Variants in MSN observed in about 807,000 individuals in gnomAD.
MSN encodes epididymis luminal protein 70.
A neutral mutation model predicts 48.0 loss-of-function variants in MSN; 2 were observed. The observed-to-expected ratio is 0.04, with a 90% CI of 0.02 to 0.13. MSN has a LOEUF of 0.13. Among genes scored for constraint, MSN ranks in the 10% least tolerant of loss-of-function variants. The pLI, the probability that MSN is intolerant of heterozygous loss-of-function variation, is 1.00. For synonymous variants in MSN, 146 were observed against 166.9 expected (o/e 0.87, Z 0.97); for missense variants, 267 against 470.1 (o/e 0.57, Z 3.99).
intron 1 of MSN, among the ~76,000 whole-genome samples, chrX:65,644,245 C>A (rs1442918304): frequency 9.0e-6 from 1 of 111,691 alleles, no homozygotes; most frequent in Non-Finnish European, 1.9e-5. Flanking sequence ...GGCTGGCTTT[C>A]ATATATTCTT....
intron 1 of MSN, among the ~76,000 whole-genome samples, chrX:65,675,824 G>C (rs1184092724): frequency 9.0e-6 from 1 of 111,078 alleles, no homozygotes; most frequent in Non-Finnish European, 1.9e-5. Context: ...TTTTAGTAGA[G>C]ATGGGGTTTC....
chrX:65,649,527 G>A (rs1383952289), intron 1 of MSN, among the ~76,000 whole-genome samples: 1 of 101,297 alleles, frequency 9.9e-6, no homozygotes, highest in East Asian at 3.0e-4. Flanking sequence ...AGTGAGCCGA[G>A]ATCATGCCAC....
intron 1 of MSN, among the ~76,000 whole-genome samples, chrX:65,610,770 T>C (rs746947684): frequency 2.4e-4 from 27 of 112,506 alleles, no homozygotes; most frequent in Non-Finnish European, 3.9e-4. Flanking sequence ...ACATTTACTT[T>C]CTATTCTTTT....
rs780850640 is a variant in MSN at position 65,737,251 on chromosome X, G to A, written c.1164G>A (p.Lys388=). The change falls in exon 10 of 13, where the codon AAG becomes AAA. Residue 388 remains lysine, a synonymous_variant. Transcript: ENST00000360270. ...AGCGTGCCCAGAGCGAGGCTGAAAA[G>A]CTGGCCAAGGAGCGTCAAGAAGCTG... ...ERKRAQSEAE[K]LAKERQEAEE... 2 of 1,210,882 alleles carry A rather than the reference G, an allele frequency of 1.7e-6. No homozygotes were observed. Among genetic ancestry groups the A allele is most frequent in the East Asian group, 5.9e-5 (2 of 33,817 alleles).
rs1199600386 is a variant in MSN, at chrX:65,698,054, G to A, written c.13-18764G>A. 8.9e-5 allele frequency among the ~76,000 whole-genome samples: 10 copies of A among 111,971 alleles called. No individual in the cohort carries two copies. In the East Asian group the frequency reaches 1.1e-3, roughly 13 times the overall value. On this transcript the variant is annotated intron_variant, in intron 1 of 12. Transcript: ENST00000360270. ...ACATTATCTTTCCTTAGGCAGCCGC[G>A]TGTTCTCTGAGAACAGGATGTGGGG...
At chrX:65,732,490 G>T (rs932132923) in intron 6 of MSN, among the ~76,000 whole-genome samples, 4 of 111,497 alleles carry the variant, frequency 3.6e-5, no homozygotes, top group Non-Finnish European at 5.7e-5. Context: ...GATCGTGCAG[G>T]CCTAGACTAT....
At chrX:65,678,943 G>A (rs1226749283) in intron 1 of MSN, among the ~76,000 whole-genome samples, 1 of 112,094 alleles carries the variant, frequency 8.9e-6, no homozygotes, top group Admixed American at 9.5e-5. Context: ...GCAGAGCAGA[G>A]TGGTGACTTT....
At chrX:65,669,066 G>A (rs994892625) in intron 1 of MSN, among the ~76,000 whole-genome samples, 10 of 111,778 alleles carry the variant, frequency 8.9e-5, no homozygotes, top group Admixed American at 6.7e-4. Flanking sequence ...CTGCCAAGTC[G>A]TTCTTGCCTT....
At chrX:65,631,394 C>T (rs1176202723) in intron 1 of MSN, among the ~76,000 whole-genome samples, 1 of 109,671 alleles carries the variant, frequency 9.1e-6, no homozygotes, top group Non-Finnish European at 1.9e-5. Flanking sequence ...GTGCCCAGCC[C>T]CCTACATCCT....
Position 65,732,021 on chromosome X carries a change from G to A in MSN, c.698+37G>A, listed in dbSNP as rs771174942. ...ATCTCTTTTAGTTTATTTAGGTCAC[G>A]TTAACATCTAGGGCTCACTTTTCAC... On this transcript the variant is annotated intron_variant, in intron 6 of 12. Transcript: ENST00000360270. The A allele has an allele frequency of 1.0e-5, 12 of 1,180,593 alleles. No homozygotes were observed. In the South Asian group the frequency reaches 1.7e-4, roughly 17 times the overall value.
chrX:65,667,906 T>C (rs977252373), intron 1 of MSN, 53 bp downstream of exon 1: 20 of 1,164,479 alleles, frequency 1.7e-5, no homozygotes, highest in Non-Finnish European at 2.2e-5. Context: ...CTGAGCCTCA[T>C]AGCCCTTTGC....
chrX:65,679,570 A>C (rs1357077778), intron 1 of MSN, among the ~76,000 whole-genome samples: 2 of 112,223 alleles, frequency 1.8e-5, no homozygotes, highest in African/African-American at 6.5e-5. Flanking sequence ...CCTGGAGATC[A>C]AAGGAGAGGG....
At chrX:65,680,265 AATT>A (rs1240917437) in intron 1 of MSN, among the ~76,000 whole-genome samples, 2 of 112,060 alleles carry the variant, frequency 1.8e-5, no homozygotes, top group African/African-American at 6.5e-5. Flanking sequence ...ACATGGCAAT[AATT>A]ATTTGTATTT....
In MSN at chrX:65,702,967, A is replaced by G. The variant is rs138920968; in HGVS notation, c.13-13851A>G. Among the ~76,000 whole-genome samples the G allele has an allele frequency of 2.2e-3, 246 of 112,229 alleles. 1 individual carries two copies. Among genetic ancestry groups the G allele is most frequent in the African/African-American group, 7.4e-3 (229 of 30,897 alleles). On this transcript the variant is annotated intron_variant, in intron 1 of 12. Transcript: ENST00000360270. Reference sequence around the variant, plus strand: ...AATATTTAAAATAATGCTGGAATACATGTGTATTTAACTGTTGTGCATGGT... The same window carrying G: ...AATATTTAAAATAATGCTGGAATACGTGTGTATTTAACTGTTGTGCATGGT...
intron 1 of MSN, among the ~76,000 whole-genome samples, chrX:65,620,991 T>G (rs1343009340): frequency 9.3e-6 from 1 of 107,942 alleles, no homozygotes; most frequent in Non-Finnish European, 1.9e-5. Flanking sequence ...AGTGGTGTGA[T>G]CTCGGCTCAC....
rs1287686583 is a variant in MSN at position 65,676,017 on chromosome X, T to A, written c.12+8164T>A. On this transcript the variant is annotated intron_variant, in intron 1 of 12. Transcript: ENST00000360270. ...AGGGTCTTTTCTTCATGCTTACACA[T>A]GAACTAAACCAAAGAATAGAGCTTG... is the stretch of plus-strand genomic sequence containing the variant. Among the ~76,000 whole-genome samples the A allele has an allele frequency of 2.7e-5, 3 of 112,857 alleles. No homozygotes were observed. In the East Asian group the frequency reaches 8.3e-4, roughly 31 times the overall value.
chrX:65,664,465 T>G, upstream of MSN, among the ~76,000 whole-genome samples: 1 of 111,721 alleles, frequency 9.0e-6, no homozygotes, highest in Non-Finnish European at 1.9e-5. Flanking sequence ...TTTAAAAAAT[T>G]TCTTGCTTGT....
At chrX:65,616,677 TC>T (rs1438108199) in intron 1 of MSN, among the ~76,000 whole-genome samples, 1 of 95,294 alleles carries the variant, frequency 1.0e-5, no homozygotes, top group African/African-American at 3.9e-5. Context: ...CTTCCTCTTT[TC>T]CTAATTGAAT....
At chrX:65,684,895 T>C (rs991750843) in intron 1 of MSN, among the ~76,000 whole-genome samples, 1 of 112,019 alleles carries the variant, frequency 8.9e-6, no homozygotes, top group African/African-American at 3.3e-5. Context: ...CATTCTACCA[T>C]GCCCAGTTAT....
Sources: gnomAD v4.1 joint callset for allele counts (sites outside exome capture counted in the v4.1 genomes callset) on GRCh38, gnomAD v4.1.1 for gene constraint, MANE v1.5 for transcripts, NCBI Gene and HGNC (gene_info 2026-07-23, HGNC 2026-07-21) for gene names.